Variants in CROCC2 observed in about 807,000 individuals in gnomAD.
The protein encoded by CROCC2 is ciliary rootlet coiled-coil, rootletin family member 2.
Under a neutral mutation model 177.6 loss-of-function variants are expected in CROCC2, and 163 were observed. The ratio of observed to expected loss-of-function variants is 0.92; its 90% CI spans 0.81 to 1.05. CROCC2 has a LOEUF of 1.05. CROCC2 is among the 50% of genes least tolerant of loss of function. The pLI is 0.00. For missense variants in CROCC2, 1,929 were observed against 1,797.8 expected (o/e 1.07, Z -1.32); for synonymous variants, 904 against 787.3 (o/e 1.15, Z -2.48).
intron 27 of CROCC2, among the ~76,000 whole-genome samples, chr2:240,968,614 G>A (rs2059701138): frequency 1.3e-5 from 2 of 152,260 alleles, no homozygotes. Flanking sequence ...TCTTGCTGAG[G>A]CCACAGCGGC....
At position 240,958,235 on chromosome 2, in the gene CROCC2, C is replaced by T; in HGVS notation, c.2944-1066C>T. 2.1e-6 allele frequency: 2 copies of T among 975,510 alleles called. No homozygotes were observed. The highest frequency in any genetic ancestry group is 1.8e-5 in the African/African-American group (1 of 57,132). 60.4% of individuals were successfully genotyped at this position (975,510 alleles called of 1,614,324 possible). On this transcript the variant is annotated intron_variant, in intron 19 of 31. Coordinates refer to ENST00000690015, the MANE Select transcript of CROCC2 (RefSeq NM_001351305.2). The surrounding 1 kb of genome is among the most constrained non-coding windows in gnomAD (Gnocchi z 6.7). The stretch of plus-strand genomic sequence containing the variant: ...CTGCCATCGGGCTCCCAGCCGATGC[C>T]CTGTCCCTGAGGCCCTCACAGGGGT...
Position 240,933,837 on chromosome 2 carries a change from G to A in CROCC2, c.1631G>A (p.Arg544Lys), listed in dbSNP as rs1478182620. ...GCTCTGCGGAGGGAGCGGAGCTGCA[G>A]GGCACTGGAGACCAGGTGCGCGGCC... ...ELALRRERSC[R>K]ALETSQGRLQ... Residue 544 changes from arginine (R) to lysine (K), a missense_variant, in exon 11 of 32, where the codon AGG becomes AAG. By Grantham distance (26) the Arg-to-Lys change is conservative. Coordinates refer to ENST00000690015, the MANE Select transcript of CROCC2 (RefSeq NM_001351305.2). 6.5e-7 allele frequency: 1 copy of A among 1,546,356 alleles called. No individual in the cohort carries two copies. Among genetic ancestry groups the A allele is most frequent in the African/African-American group, 1.4e-5 (1 of 72,964 alleles).
chr2:240,967,321 G>T, intron 25 of CROCC2, 24 bp from the exon 26 acceptor site: 2 of 665,578 alleles, frequency 3.0e-6, no homozygotes, highest in Non-Finnish European at 5.6e-6. Context: ...GACTGCCCCC[G>T]CTGACCTCAG....
chr2:240,922,698 G>A (rs959076011), intron 4 of CROCC2, 53 bp downstream of exon 4: 9 of 525,170 alleles, frequency 1.7e-5, no homozygotes, highest in East Asian at 6.7e-5. Context: ...CCATCCCCCC[G>A]AGAGGCAGTG....
In CROCC2 at chr2:240,958,072, C is replaced by T. The variant is rs919883240; in HGVS notation, c.2944-1229C>T. 7.1e-6 allele frequency: 7 copies of T among 985,260 alleles called. No individual in the cohort carries two copies. Among genetic ancestry groups the T allele is most frequent in the African/African-American group, 5.2e-5 (3 of 57,214 alleles). 61.0% of individuals were successfully genotyped at this position (985,260 alleles called of 1,614,324 possible). A position where few individuals can be genotyped will look rare whatever the true frequency, so the allele number is the denominator to read the frequency against. ...AGCCAGCCGGCCTTCCTGGGGAGCT[C>T]GTTAAGGGTTCCTTTGCCACCTCGG... On this transcript the variant is annotated intron_variant, in intron 19 of 31. Transcript: ENST00000690015. This position sits in a 1 kb window ranked among gnomAD's most constrained non-coding sequence, Gnocchi z 6.7.
chr2:240,914,789 G>T (rs111883615), intron 1 of CROCC2, among the ~76,000 whole-genome samples: 1 of 152,182 alleles, frequency 6.6e-6, no homozygotes, highest in Non-Finnish European at 1.5e-5. Context: ...ACGACGGGGT[G>T]GTGGGGCTGC....
At chr2:240,942,557 T>G (rs1376633377) in intron 14 of CROCC2, among the ~76,000 whole-genome samples, 1 of 152,218 alleles carries the variant, frequency 6.6e-6, no homozygotes, top group Non-Finnish European at 1.5e-5. Context: ...ACAGACTTTG[T>G]GTTTTTGTAG....
chr2:240,969,741 T>A (rs2059708717), intron 27 of CROCC2, among the ~76,000 whole-genome samples: 1 of 152,264 alleles, frequency 6.6e-6, no homozygotes, highest in African/African-American at 2.4e-5. Context: ...TATTTTATTT[T>A]ATTTTTTGAG....
intron 20 of CROCC2, chr2:240,963,250 T>C: frequency 2.3e-6 from 1 of 432,446 alleles, no homozygotes; most frequent in Admixed American, 3.6e-5. Context: ...GCATCCCAGG[T>C]AGGCCTTGCT....
At chr2:240,914,230 C>A (rs932714528) in intron 1 of CROCC2, among the ~76,000 whole-genome samples, 1 of 152,218 alleles carries the variant, frequency 6.6e-6, no homozygotes, top group Non-Finnish European at 1.5e-5. Context: ...AGGCTGGGGT[C>A]CCAGTCCTAA....
rs2059449058 is a variant in CROCC2, at chr2:240,933,750, A to C, written c.1544A>C (p.Glu515Ala). ...DAADAEKQGL[E>A]AEAAELQRSL... is the part of the protein sequence containing the mutation. ...GCAGATGCGGAGAAGCAGGGGCTGG[A>C]GGCCGAGGCTGCAGAGCTGCAGAGA... Residue 515 changes from glutamate (E) to alanine (A), a missense_variant, in exon 11 of 32, where the codon GAG becomes GCG. This residue lies in a region of CROCC2 where 1,397 missense variants were observed against 1,239.9 expected (regional missense o/e 1.13). Transcript: ENST00000690015. 6 of 1,549,878 alleles carry C rather than the reference A, an allele frequency of 3.9e-6. No homozygotes were observed. The highest frequency in any genetic ancestry group is 4.4e-6 in the Non-Finnish European group (5 of 1,146,852).
chr2:240,913,773 C>T (rs1195876902), intron 1 of CROCC2, among the ~76,000 whole-genome samples: 1 of 152,244 alleles, frequency 6.6e-6, no homozygotes, highest in Non-Finnish European at 1.5e-5. Context: ...TTTTGGAGGC[C>T]AGGTGTTATC....
chr2:240,961,462 G>A (rs1329689617), intron 20 of CROCC2, among the ~76,000 whole-genome samples: 1 of 151,898 alleles, frequency 6.6e-6, no homozygotes, highest in Non-Finnish European at 1.5e-5. Context: ...CGTAGTGCAT[G>A]CACAGGCATA....
chr2:240,976,376 T>G (rs867940524), intron 27 of CROCC2, among the ~76,000 whole-genome samples: 1,772 of 99,594 alleles, frequency 0.018, 2 homozygotes, highest in Middle Eastern at 0.045. Context: ...CCCTGCTCAG[T>G]CTCTGGGGTA....
At chr2:240,964,244 T>G (rs1421741383) in intron 21 of CROCC2, 1 of 597,650 alleles carries the variant, frequency 1.7e-6, no homozygotes, top group East Asian at 2.8e-5. Context: ...GAGGAGGGGC[T>G]GAAGAGGTGG....
rs78493201 is a variant in CROCC2 at position 240,936,110 on chromosome 2, G to A, written c.2169+522G>A. 2.4e-4 allele frequency among the ~76,000 whole-genome samples: 37 copies of A among 152,198 alleles called. No individual in the cohort carries two copies. The East Asian group carries it at 4.4e-3, about 18-fold the overall frequency. Reference sequence around the variant, plus strand: ...TTCAGGCCCCTGTGACTCAGATTCCGCAGCCCCCGTCACATTCAGGACAGC... The same window carrying A: ...TTCAGGCCCCTGTGACTCAGATTCCACAGCCCCCGTCACATTCAGGACAGC... On this transcript the variant is annotated intron_variant, in intron 14 of 31. Coordinates refer to ENST00000690015, the MANE Select transcript of CROCC2 (RefSeq NM_001351305.2).
rs1173097413 is a variant in CROCC2 at position 240,965,372 on chromosome 2, CGCTCCCAG to C, written c.3466-7_3466del. On this transcript the variant is annotated splice_acceptor_variant and splice_polypyrimidine_tract_variant and intron_variant, in intron 22 of 31. Transcript: ENST00000690015. LOFTEE classifies it high-confidence loss of function. ...CAGTGACCCTGTCCGTGCGGCCCCA[CGCTCCCAG>C]GTGAGGACACTGAAGGCCGAGAACC... 5 of 1,548,940 alleles carry C rather than the reference CGCTCCCAG, an allele frequency of 3.2e-6. No homozygotes were observed. Among genetic ancestry groups the C allele is most frequent in the Non-Finnish European group, 4.4e-6 (5 of 1,146,768 alleles).
chr2:240,963,808 C>G, intron 21 of CROCC2, 35 bp downstream of exon 21: 1 of 1,537,302 alleles, frequency 6.5e-7, no homozygotes, highest in Non-Finnish European at 8.8e-7. Context: ...TGGGGGTGCC[C>G]TGCAGCCTGC....
At chr2:240,990,937 G>A (rs544759755) in intron 30 of CROCC2, among the ~76,000 whole-genome samples, 74 of 152,362 alleles carry the variant, frequency 4.9e-4, no homozygotes, top group African/African-American at 1.7e-3. Flanking sequence ...TCCACCAAGG[G>A]TGCGCGGTGG....
Sources: gnomAD v4.1 joint callset for allele counts (sites outside exome capture counted in the v4.1 genomes callset) on GRCh38, gnomAD v4.1.1 for gene constraint, gnomAD v4.1.1 regional missense constraint, Gnocchi (gnomAD v3.1) non-coding constraint, MANE v1.5 for transcripts, NCBI Gene and HGNC (gene_info 2026-07-23, HGNC 2026-07-21) for gene names.